NAV2: variants seen among roughly 807,000 people sequenced by gnomAD.
NAV2 encodes neuron navigator 2, also known as helicase, APC down-regulated 1.
NAV2 carries 54 observed loss-of-function variants against 223.2 expected under a neutral mutation model. The observed-to-expected ratio is 0.24, with a 90% CI of 0.19 to 0.30. NAV2 has a LOEUF of 0.30. NAV2 is among the 10% of genes least tolerant of loss of function. NAV2 has a pLI of 1.00. For missense variants in NAV2, 2,806 were observed against 3,147.5 expected (o/e 0.89, Z 2.60); for synonymous variants, 1,279 against 1,239.3 (o/e 1.03, Z -0.67).
intron 1 of NAV2, among the ~76,000 whole-genome samples, chr11:19,352,387 A>G (rs1853377624): frequency 6.6e-6 from 1 of 152,204 alleles, no homozygotes; most frequent in African/African-American, 2.4e-5. Context: ...ACTGTAGACA[A>G]TTTTAATTGG....
chr11:20,035,612 C>T (rs4757882), intron 11 of NAV2, among the ~76,000 whole-genome samples: 26,046 of 152,136 alleles, frequency 0.17, 2,402 homozygotes, highest in Middle Eastern at 0.28. Context: ...TCCCCAGACT[C>T]ACTGCCCCTA....
chr11:19,670,008 T>C (rs2048534499), intron 1 of NAV2, among the ~76,000 whole-genome samples: 1 of 152,154 alleles, frequency 6.6e-6, no homozygotes, highest in Non-Finnish European at 1.5e-5. Context: ...TGCCACAAAG[T>C]CCCATGCGAT....
chr11:20,062,255 T>C (rs2058751835), intron 19 of NAV2, 52 bp from the exon 20 acceptor site: 1 of 1,385,230 alleles, frequency 7.2e-7, no homozygotes, highest in Non-Finnish European at 1.0e-6. Context: ...TGTCCCCTTT[T>C]TGGTTCCATA....
chr11:20,092,978 C>CCCCCCCCCCCCCCCCCCCCCCCCCCCCCT, intron 28 of NAV2, 121 bp from the exon 29 acceptor site: 1 of 202,880 alleles, frequency 4.9e-6, no homozygotes. Context: ...CCCCTACCCC[C>CCCCCCCCCCCCCCCCCCCCCCCCCCCCCT]CCACCCCCTG....
chr11:20,046,497 A>C (rs1024236627), intron 14 of NAV2, among the ~76,000 whole-genome samples: 23 of 151,834 alleles, frequency 1.5e-4, no homozygotes, highest in African/African-American at 5.6e-4. Context: ...GATCTTGACC[A>C]GCTCCTTCCT....
chr11:19,864,493 T>C lies in NAV2; in HGVS notation c.439-4432T>C, dbSNP rs368506302. On this transcript the variant is annotated intron_variant, in intron 3 of 37. Transcript: ENST00000349880. ...GGAGACCCAAGTCCAGCCTTAATCA[T>C]GATTGAAATGCAAAGTTTTCCATTT... Among the ~76,000 whole-genome samples the C allele has an allele frequency of 2.6e-5, 4 of 152,224 alleles. No homozygotes were observed. The East Asian group carries it at 5.8e-4, about 22-fold the overall frequency.
intron 36 of NAV2, among the ~76,000 whole-genome samples, chr11:20,113,005 G>C (rs2153722936): frequency 6.6e-6 from 1 of 152,324 alleles, no homozygotes; most frequent in Middle Eastern, 3.4e-3. Flanking sequence ...CTGCAGCCGT[G>C]GTGGCCCACA....
At chr11:19,528,222 C>T (rs540606960) in intron 1 of NAV2, among the ~76,000 whole-genome samples, 1 of 152,236 alleles carries the variant, frequency 6.6e-6, no homozygotes, top group South Asian at 2.1e-4. Flanking sequence ...AAAATGGTAG[C>T]AGAAAAGGAG....
At chr11:19,442,788 G>T (rs1474191865) in intron 1 of NAV2, among the ~76,000 whole-genome samples, 1 of 152,160 alleles carries the variant, frequency 6.6e-6, no homozygotes, top group Non-Finnish European at 1.5e-5. Context: ...GTGACAATAG[G>T]CTATATAAAA....
At chr11:20,039,967 G>T (rs1163795284) in intron 12 of NAV2, among the ~76,000 whole-genome samples, 1 of 152,200 alleles carries the variant, frequency 6.6e-6, no homozygotes, top group Non-Finnish European at 1.5e-5. Flanking sequence ...GCCCCCTTCT[G>T]CTCACCCGCT....
intron 1 of NAV2, among the ~76,000 whole-genome samples, chr11:19,361,802 C>T (rs767582721): frequency 1.3e-5 from 2 of 152,120 alleles, no homozygotes; most frequent in Non-Finnish European, 2.9e-5. Context: ...GAAAAAAAAT[C>T]TAATTTCTGC....
chr11:19,473,744 C>G (rs372186813), intron 1 of NAV2, among the ~76,000 whole-genome samples: 1 of 152,166 alleles, frequency 6.6e-6, no homozygotes, highest in African/African-American at 2.4e-5. Flanking sequence ...AGGCCTATCC[C>G]CCAGCTGCTG....
intron 1 of NAV2, among the ~76,000 whole-genome samples, chr11:19,701,211 G>A (rs1380910566): frequency 6.6e-6 from 1 of 152,140 alleles, no homozygotes; most frequent in East Asian, 1.9e-4. Context: ...GTTGGGGGTT[G>A]GTGGGGGGTC....
intron 1 of NAV2, among the ~76,000 whole-genome samples, chr11:19,363,933 G>A (rs985059948): frequency 4.6e-5 from 7 of 152,148 alleles, no homozygotes; most frequent in African/African-American, 1.2e-4. Context: ...GCCTCTCTAG[G>A]GCCTCCACCC....
intron 10 of NAV2, among the ~76,000 whole-genome samples, chr11:19,960,913 C>T (rs1488692540): frequency 1.3e-5 from 2 of 150,582 alleles, no homozygotes; most frequent in Admixed American, 6.6e-5. Context: ...ATGTCCAGCC[C>T]AGGGCCACCC....
At chr11:19,643,424 TC>T (rs1278905896) in intron 1 of NAV2, among the ~76,000 whole-genome samples, 2 of 151,320 alleles carry the variant, frequency 1.3e-5, no homozygotes, top group African/African-American at 4.9e-5. Context: ...GTTTGGTTTT[TC>T]GTCCTTGCGA....
At chr11:19,881,168 T>TC (rs572323950) in intron 5 of NAV2, among the ~76,000 whole-genome samples, 12 of 152,288 alleles carry the variant, frequency 7.9e-5, no homozygotes, top group African/African-American at 2.9e-4. Flanking sequence ...CCTTCTTTTT[T>TC]CCCCATGAGA....
rs545517418 is a variant in NAV2 at position 20,034,372 on chromosome 11, T to G, written c.2769-1587T>G. ...GCAAGTTTTTTTTTTGTTTTTTTTT[T>G]TTTTTTTGTTTGTTTGTTTGTTTTT... On this transcript the variant is annotated intron_variant, in intron 11 of 37. Transcript: ENST00000349880. Among the ~76,000 whole-genome samples the G allele has an allele frequency of 5.1e-3, 582 of 113,468 alleles. 2 individuals are homozygous for G. Among genetic ancestry groups the G allele is most frequent in the Non-Finnish European group, 5.7e-3 (301 of 52,528 alleles). 74.4% of individuals were successfully genotyped at this position (113,468 alleles called of 152,430 possible).
intron 1 of NAV2, among the ~76,000 whole-genome samples, chr11:19,388,289 G>T (rs547904942): frequency 6.6e-6 from 1 of 152,132 alleles, no homozygotes; most frequent in African/African-American, 2.4e-5. Flanking sequence ...CAAACCCATC[G>T]CTCATCTCTG....
Sources: gnomAD v4.1 joint callset for allele counts (sites outside exome capture counted in the v4.1 genomes callset) on GRCh38, gnomAD v4.1.1 for gene constraint, MANE v1.5 for transcripts, NCBI Gene and HGNC (gene_info 2026-07-23, HGNC 2026-07-21) for gene names.